NCBP3: variants seen among roughly 807,000 people sequenced by gnomAD.
NCBP3 encodes the protein nuclear cap binding subunit 3, also known as nuclear cap-binding protein subunit 3.
A neutral mutation model predicts 75.7 loss-of-function variants in NCBP3; 20 were observed. That is an observed-to-expected ratio of 0.26 (90% CI 0.19 to 0.38). The LOEUF is 0.38. Among genes scored for constraint, NCBP3 ranks in the 10% least tolerant of loss-of-function variants. The probability of loss-of-function intolerance (pLI) is 1.00; values close to 1 mark genes in which losing one functional copy is unlikely to be tolerated. For missense variants in NCBP3, 678 were observed against 796.9 expected (o/e 0.85, Z 1.80); for synonymous variants, 293 against 290.5 (o/e 1.01, Z -0.09).
chr17:3,817,640 A>G lies in NCBP3; in HGVS notation c.1310+623T>C, dbSNP rs2053564719. Among the ~76,000 whole-genome samples the G allele has an allele frequency of 3.3e-5, 5 of 152,336 alleles. No individual in the cohort carries two copies. The South Asian group carries it at 1.0e-3, about 32-fold the overall frequency. ...CGAGACTCCGTCTCAAAAAAAAAAT[A>G]AAAACACACAAAAAACCCTTCTGGA... is the stretch of plus-strand genomic sequence containing the variant. On this transcript the variant is annotated intron_variant, in intron 10 of 12. Transcript: ENST00000389005.
intron 1 of NCBP3, 98 bp downstream of exon 1, chr17:3,845,943 T>A: frequency 2.9e-6 from 4 of 1,368,208 alleles, no homozygotes; most frequent in Non-Finnish European, 3.9e-6. Flanking sequence ...TCCCTTGACT[T>A]CCCCGGCTGG....
In NCBP3 at chr17:3,806,086, C is replaced by CT. The variant is rs377149279; in HGVS notation, c.*6957dup. The CT allele has an allele frequency of 5.7e-4, 85 of 148,564 alleles. No homozygotes were observed. Among genetic ancestry groups the CT allele is most frequent in the East Asian group, 2.9e-3 (15 of 5,124 alleles). The allele number at this position is 148,564 out of a possible 1,614,324, so 9.2% of individuals were successfully genotyped here. ...AGGGACAGGAAGGTGAGAATCCTTT[C>CT]TTTTTTTTTTGAGACGGAGTCTCGC... On this transcript the variant is annotated 3_prime_UTR_variant, in exon 13 of 13. Coordinates refer to ENST00000389005, the MANE Select transcript of NCBP3 (RefSeq NM_001114118.3).
At position 3,802,270 on chromosome 17, in the gene NCBP3, T is replaced by C. The variant is rs1294301613; in HGVS notation, c.*10774A>G. ...CCCCATTCGCTTTGAGATGTGAATG[T>C]GTTAACCCAGGGTGGACAATGGTGT... On this transcript the variant is annotated 3_prime_UTR_variant, in exon 13 of 13. Transcript: ENST00000389005. 6.6e-6 allele frequency: 1 copy of C among 152,162 alleles called. No individual in the cohort carries two copies. Among genetic ancestry groups the C allele is most frequent in the African/African-American group, 2.4e-5 (1 of 41,434 alleles). The allele number at this position is 152,162 out of a possible 1,614,324, so 9.4% of individuals were successfully genotyped here.
chr17:3,826,922 A>G (rs12950321), intron 4 of NCBP3, among the ~76,000 whole-genome samples: 1 of 145,706 alleles, frequency 6.9e-6, no homozygotes, highest in Middle Eastern at 3.5e-3. Flanking sequence ...CTGAGGCAGA[A>G]TGGCGTGAAC....
chr17:3,825,714 C>G, intron 6 of NCBP3, 53 bp downstream of exon 6: 1 of 1,345,122 alleles, frequency 7.4e-7, no homozygotes, highest in South Asian at 1.3e-5. Context: ...GTTAAAAAGA[C>G]AGTGAGCAAT....
intron 7 of NCBP3, chr17:3,824,033 G>C (rs182144249): frequency 6.6e-6 from 1 of 152,200 alleles, no homozygotes; most frequent in East Asian, 1.9e-4. Flanking sequence ...CAGCTTAAGG[G>C]GGACTAAGGA....
In NCBP3 at chr17:3,810,609, ACACAC is replaced by A; in HGVS notation, c.*2430_*2434del. 6.6e-6 allele frequency: 1 copy of A among 152,296 alleles called. No individual in the cohort carries two copies. The highest frequency in any genetic ancestry group is 2.1e-4 in the South Asian group (1 of 4,818). 9.4% of individuals were successfully genotyped at this position (152,296 alleles called of 1,614,324 possible). ...CAAAGAAAAGGCCTCATCATTCAGG[ACACAC>A]TCAAGATGTTGCAAGATCTGAGTGA... On this transcript the variant is annotated 3_prime_UTR_variant, in exon 13 of 13. Coordinates refer to ENST00000389005, the MANE Select transcript of NCBP3 (RefSeq NM_001114118.3).
chr17:3,829,168 C>T, intron 4 of NCBP3, 75 bp downstream of exon 4: 2 of 1,490,994 alleles, frequency 1.3e-6, no homozygotes, highest in South Asian at 1.2e-5. Context: ...CAGAACCATT[C>T]ACCATCTCTG....
rs1025715929 is a variant in NCBP3 at position 3,818,563 on chromosome 17, T to C, written c.1010A>G (p.Asn337Ser). ...SYKHRHSGLV[N>S]VPEEPIEEEE... ...CTCTTCAATGGGTTCCTCGGGAACA[T>C]TCACTAGCCCTGAAGAAATTTAACC... The change falls in exon 10 of 13, where the codon AAT becomes AGT. Residue 337 changes from asparagine to serine, a missense_variant. Physicochemically the swap from Asn to Ser is conservative, Grantham distance 46 (BLOSUM62 1). Transcript: ENST00000389005. This position sits in a 1 kb window ranked among gnomAD's most constrained non-coding sequence, Gnocchi z 4.7. 6.2e-7 allele frequency: 1 copy of C among 1,604,820 alleles called. No homozygotes were observed. The highest frequency in any genetic ancestry group is 8.5e-7 in the Non-Finnish European group (1 of 1,178,834).
At chr17:3,840,664 C>G (rs749323074) in intron 2 of NCBP3, among the ~76,000 whole-genome samples, 2 of 152,222 alleles carry the variant, frequency 1.3e-5, no homozygotes, top group African/African-American at 4.8e-5. Flanking sequence ...GATTCCAGTG[C>G]TATTTCTAGG....
In NCBP3 at chr17:3,846,229, C is replaced by A. The variant is rs1271403103; in HGVS notation, c.-6G>T. The A allele has an allele frequency of 7.0e-6, 10 of 1,422,534 alleles. No individual in the cohort carries two copies. The highest frequency in any genetic ancestry group is 8.2e-6 in the Non-Finnish European group (9 of 1,096,036). The allele number at this position is 1,422,534 out of a possible 1,614,324, so 88.1% of individuals were successfully genotyped here. On this transcript the variant is annotated 5_prime_UTR_variant, in exon 1 of 13. Coordinates refer to ENST00000389005, the MANE Select transcript of NCBP3 (RefSeq NM_001114118.3). This position sits in a 1 kb window ranked among gnomAD's most constrained non-coding sequence, Gnocchi z 4.6. ...AGGCCCCGTACGGCCGCCATCGCTG[C>A]CTGCCGGCCGCACCACTGAGAGCCC...
At chr17:3,845,267 T>C (rs2054141234) in intron 1 of NCBP3, among the ~76,000 whole-genome samples, 1 of 152,224 alleles carries the variant, frequency 6.6e-6, no homozygotes, top group Non-Finnish European at 1.5e-5. Flanking sequence ...AACTTCAGTC[T>C]AAATATGTTG....
Position 3,840,201 on chromosome 17 carries a change from G to A in NCBP3, c.254C>T (p.Ala85Val). The A allele has an allele frequency of 6.4e-7, 1 of 1,551,396 alleles. No individual in the cohort carries two copies. Among genetic ancestry groups the A allele is most frequent in the East Asian group, 2.4e-5 (1 of 40,922 alleles). Residue 85 changes from alanine (A) to valine (V), a missense_variant, in exon 3 of 13, where the codon GCA becomes GTA. By Grantham distance (64) the Ala-to-Val change is moderately conservative. This residue lies in a region of NCBP3 where 46 missense variants were observed against 82.8 expected (regional missense o/e 0.56). Coordinates refer to ENST00000389005, the MANE Select transcript of NCBP3 (RefSeq NM_001114118.3). ...GGCTCGCTGCTCTTTCTTTTCAATT[G>A]CTTCCTAGAAAGTACAGAAAAAGTG... ...ITGIDVTSKEAIEKKEQRAKR... is the reference protein window; with the variant it reads ...ITGIDVTSKEVIEKKEQRAKR...
At position 3,844,542 on chromosome 17, in the gene NCBP3, T is replaced by C. The variant is rs114545311; in HGVS notation, c.184-1391A>G. Among the ~76,000 whole-genome samples the C allele has an allele frequency of 4.6e-3, 700 of 152,224 alleles. 3 individuals carry two copies. Among genetic ancestry groups the C allele is most frequent in the African/African-American group, 0.016 (659 of 41,534 alleles). ...GCACCTAGGGCTGTGCCTTGGTACA[T>C]AGCGGGGGATGCAATAAATACATGT... On this transcript the variant is annotated intron_variant, in intron 1 of 12. Transcript: ENST00000389005.
intron 2 of NCBP3, 47 bp downstream of exon 2, chr17:3,843,039 G>C (rs2054094039): frequency 2.9e-6 from 4 of 1,369,218 alleles, no homozygotes; most frequent in Non-Finnish European, 4.1e-6. Flanking sequence ...AATTCATTAA[G>C]TTCACTTGCT....
At chr17:3,837,774 C>G (rs1417163775) in intron 3 of NCBP3, among the ~76,000 whole-genome samples, 1 of 151,670 alleles carries the variant, frequency 6.6e-6, no homozygotes, top group Non-Finnish European at 1.5e-5. Context: ...GTAACTATCC[C>G]TGGGACCTAT....
In NCBP3 at chr17:3,825,753, C is replaced by G. The variant is rs1287874251; in HGVS notation, c.687+14G>C. 9 of 1,528,798 alleles carry G rather than the reference C, an allele frequency of 5.9e-6. 1 individual carries two copies. In the South Asian group the frequency reaches 9.6e-5, roughly 16 times the overall value. The allele number at this position is 1,528,798 out of a possible 1,614,324, so 94.7% of individuals were successfully genotyped here. On this transcript the variant is annotated intron_variant, in intron 6 of 12. Transcript: ENST00000389005. ...TTACAATAACTTTACATCTATCTTT[C>G]CCCTATTACTAACCTCTACATCACT... is the stretch of plus-strand genomic sequence containing the variant.
chr17:3,824,327 TAC>T (rs1295919659), intron 7 of NCBP3: 1 of 142,074 alleles, frequency 7.0e-6, no homozygotes, highest in Non-Finnish European at 1.5e-5. Flanking sequence ...ATAATACATA[TAC>T]ATACATACAT....
intron 10 of NCBP3, among the ~76,000 whole-genome samples, chr17:3,816,476 G>T (rs17175747): frequency 2.3e-4 from 35 of 152,210 alleles, no homozygotes; most frequent in Non-Finnish European, 7.3e-5. Context: ...CTGGTGAGCA[G>T]GTTTTCGAAG....
Sources: allele counts gnomAD v4.1 joint callset (sites outside exome capture counted in the v4.1 genomes callset), GRCh38; gene constraint gnomAD v4.1.1; regional missense constraint gnomAD v4.1.1; non-coding constraint Gnocchi (gnomAD v3.1); transcripts MANE v1.5; gene names NCBI Gene and HGNC (gene_info 2026-07-23, HGNC 2026-07-21).